Variants in TENT2 observed in about 807,000 individuals in gnomAD.
TENT2 encodes the protein poly(A) RNA polymerase GLD2.
A neutral mutation model predicts 72.2 loss-of-function variants in TENT2; 44 were observed. The ratio of observed to expected loss-of-function variants is 0.61; its 90% CI spans 0.48 to 0.78. The LOEUF (loss-of-function observed/expected upper bound fraction) is 0.78, where lower values mean the gene tolerates loss of function less well. Among genes scored for constraint, TENT2 ranks in the 30% least tolerant of loss-of-function variants. The pLI is 0.00. For missense variants in TENT2, 541 were observed against 569.6 expected, an observed-to-expected ratio of 0.95 and a Z score of 0.51; for synonymous variants, 212 against 192.5, an observed-to-expected ratio of 1.10 and a Z score of -0.84.
rs1766685548 is a variant in TENT2, at chr5:79,623,348, T to A, written c.324T>A (p.Pro108=). The change falls in exon 4 of 15, where the codon CCT becomes CCA. Residue 108 remains proline, a synonymous_variant. Coordinates refer to ENST00000453514, the MANE Select transcript of TENT2 (RefSeq NM_001114394.3). ...QEPTVVNQIV[P]LSGERRYSMP... ...CAACTGTAGTTAACCAGATAGTGCC[T>A]TTATCAGGTGAACGAAGATACTCAA... is the stretch of plus-strand genomic sequence containing the variant. 1 of 1,613,512 alleles carries A rather than the reference T, an allele frequency of 6.2e-7. No homozygotes were observed. Among genetic ancestry groups the A allele is most frequent in the African/African-American group, 1.3e-5 (1 of 74,858 alleles).
chr5:79,660,252 T>C (rs1384527368), intron 11 of TENT2, among the ~76,000 whole-genome samples: 1 of 152,132 alleles, frequency 6.6e-6, no homozygotes, highest in Non-Finnish European at 1.5e-5. Flanking sequence ...TATTACTAAA[T>C]TCTTATTGAC....
intron 4 of TENT2, among the ~76,000 whole-genome samples, chr5:79,624,559 G>C (rs1205507117): frequency 6.6e-6 from 1 of 152,038 alleles, no homozygotes; most frequent in African/African-American, 2.4e-5. Context: ...AAGAAACCTT[G>C]TACCCAATAA....
At chr5:79,663,447 G>A (rs552921846) in intron 11 of TENT2, among the ~76,000 whole-genome samples, 30 of 152,284 alleles carry the variant, frequency 2.0e-4, no homozygotes, top group Middle Eastern at 3.4e-3. Flanking sequence ...AGTGAGAGAT[G>A]TGTGACTTTT....
At chr5:79,682,373 A>G (rs1822652676) in intron 14 of TENT2, among the ~76,000 whole-genome samples, 1 of 151,814 alleles carries the variant, frequency 6.6e-6, no homozygotes, top group Non-Finnish European at 1.5e-5. Flanking sequence ...TTCACCTCCC[A>G]GGTTCAAGGG....
intron 4 of TENT2, among the ~76,000 whole-genome samples, chr5:79,633,569 A>G (rs1777413107): frequency 6.7e-6 from 1 of 148,766 alleles, no homozygotes; most frequent in Non-Finnish European, 1.5e-5. Flanking sequence ...GGCATGCGCC[A>G]CCATGCCCGG....
intron 4 of TENT2, among the ~76,000 whole-genome samples, chr5:79,632,690 A>G (rs2150212121): frequency 6.6e-6 from 1 of 152,310 alleles, no homozygotes; most frequent in South Asian, 2.1e-4. Context: ...GGCAAATTTT[A>G]TGGAGCTTCT....
At chr5:79,673,944 G>C (rs1420094143) in intron 12 of TENT2, among the ~76,000 whole-genome samples, 1 of 152,160 alleles carries the variant, frequency 6.6e-6, no homozygotes. Flanking sequence ...GAAGTTTACA[G>C]TTTACAGTTA....
In TENT2 at chr5:79,645,550, C is replaced by T. The variant is rs550121428; in HGVS notation, c.821+358C>T. Among the ~76,000 whole-genome samples the T allele has an allele frequency of 7.9e-5, 12 of 151,968 alleles. No individual in the cohort carries two copies. In the East Asian group the frequency reaches 2.3e-3, roughly 29 times the overall value. On this transcript the variant is annotated intron_variant, in intron 8 of 14. Transcript: ENST00000453514. ...AATATCAAGGGGTTTGTTTTAAATA[C>T]AGTTATGATTAAACAAGTTGTGTTT...
At chr5:79,653,980 A>C (rs1796058574) in intron 10 of TENT2, among the ~76,000 whole-genome samples, 1 of 152,250 alleles carries the variant, frequency 6.6e-6, no homozygotes, top group African/African-American at 2.4e-5. Flanking sequence ...TAAGCAGAGA[A>C]AGGAAATAGG....
At chr5:79,622,844 T>C (rs1292463959) in intron 3 of TENT2, among the ~76,000 whole-genome samples, 1 of 152,194 alleles carries the variant, frequency 6.6e-6, no homozygotes, top group African/African-American at 2.4e-5. Flanking sequence ...AGTCAGAACA[T>C]AGGTGTATTC....
chr5:79,618,170 T>A (rs111898311), intron 1 of TENT2, among the ~76,000 whole-genome samples: 7 of 152,334 alleles, frequency 4.6e-5, no homozygotes, highest in African/African-American at 1.4e-4. Flanking sequence ...TCCTCAAAGT[T>A]ATCTTTTAAA....
intron 4 of TENT2, among the ~76,000 whole-genome samples, chr5:79,629,163 T>G (rs1772967344): frequency 6.6e-6 from 1 of 152,204 alleles, no homozygotes; most frequent in African/African-American, 2.4e-5. Context: ...GGTTTTTTCT[T>G]TGTTGTGACA....
chr5:79,613,764 CA>C (rs1157165017), intron 1 of TENT2, among the ~76,000 whole-genome samples: 4 of 152,102 alleles, frequency 2.6e-5, no homozygotes, highest in African/African-American at 9.7e-5. Flanking sequence ...AATTCTTAAC[CA>C]AAAGGAATAT....
chr5:79,669,165 AGTT>A (rs1253919734), intron 12 of TENT2, 137 bp downstream of exon 12: 1 of 1,090,436 alleles, frequency 9.2e-7, no homozygotes, highest in Non-Finnish European at 1.3e-6. Flanking sequence ...AGTGTTGTAA[AGTT>A]GTCCAGAAAT....
chr5:79,664,592 C>T (rs1312619292), intron 11 of TENT2, among the ~76,000 whole-genome samples: 4 of 115,736 alleles, frequency 3.5e-5, no homozygotes, highest in African/African-American at 1.6e-4. Flanking sequence ...CTCACTCTGT[C>T]TCAAAAAAAA....
At chr5:79,649,403 T>C (rs1434017711) in intron 10 of TENT2, among the ~76,000 whole-genome samples, 1 of 151,994 alleles carries the variant, frequency 6.6e-6, no homozygotes, top group African/African-American at 2.4e-5. Flanking sequence ...TTTTTATTTT[T>C]TGGAAGTTTT....
intron 14 of TENT2, among the ~76,000 whole-genome samples, chr5:79,682,301 C>T (rs556144340): frequency 2.1e-4 from 32 of 152,172 alleles, no homozygotes; most frequent in Admixed American, 1.5e-3. Flanking sequence ...CTTTTTGAGA[C>T]GGAGTTTCAC....
chr5:79,616,373 TG>T (rs1326795297), intron 1 of TENT2, among the ~76,000 whole-genome samples: 7 of 151,970 alleles, frequency 4.6e-5, no homozygotes, highest in Non-Finnish European at 1.0e-4. Flanking sequence ...TGATTTTTTT[TG>T]TATTTAGTAG....
At position 79,620,024 on chromosome 5, in the gene TENT2, G is replaced by C. The variant is rs746172287; in HGVS notation, c.168G>C (p.Leu56=). ...DLSRAVSLQQ[L]TYGNVSPIQT... Reference sequence around the variant, plus strand: ...CTAGAGCTGTGTCATTACAGCAGCTGACATATGGAAATGTCAGTCCAATAC... The same window carrying C: ...CTAGAGCTGTGTCATTACAGCAGCTCACATATGGAAATGTCAGTCCAATAC... Residue 56 remains leucine, a synonymous_variant, in exon 3 of 15, where the codon CTG becomes CTC. Coordinates refer to ENST00000453514, the MANE Select transcript of TENT2 (RefSeq NM_001114394.3). The C allele has an allele frequency of 1.2e-6, 2 of 1,611,868 alleles. No homozygotes were observed. The highest frequency in any genetic ancestry group is 3.3e-5 in the Admixed American group (2 of 59,960).
Sources: allele counts gnomAD v4.1 joint callset (sites outside exome capture counted in the v4.1 genomes callset), GRCh38; gene constraint gnomAD v4.1.1; transcripts MANE v1.5; gene names NCBI Gene and HGNC (gene_info 2026-07-23, HGNC 2026-07-21).